METTL15: variants seen among roughly 807,000 people sequenced by gnomAD.
METTL15 encodes 12S rRNA N(4)-cytidine methyltransferase METTL15.
In METTL15, 34 loss-of-function variants were observed where a neutral mutation model predicts 38.3. The ratio of observed to expected loss-of-function variants is 0.89; its 90% CI spans 0.68 to 1.18. METTL15 has a LOEUF of 1.18. Among genes scored for constraint, METTL15 ranks in the 50% most tolerant of loss-of-function variants. METTL15 has a pLI of 0.00. For synonymous variants in METTL15, 162 were observed against 170.9 expected (o/e 0.95, Z 0.41); for missense variants, 438 against 498.4 (o/e 0.88, Z 1.15).
chr11:28,199,649 C>T (rs532226826), intron 3 of METTL15, among the ~76,000 whole-genome samples: 3 of 151,960 alleles, frequency 2.0e-5, no homozygotes, highest in Non-Finnish European at 4.4e-5. Context: ...ATTGTGCTAT[C>T]ATGTTTTTTG....
rs1187175540 is a variant in METTL15 at position 28,405,830 on chromosome 11, AT to A, written c.*359-18467del. ...CATAGCCACTATTTTATGAAGGATT[AT>A]TGCTTTGGCATACCCACCTCTCATA... On this transcript the variant is annotated intron_variant and NMD_transcript_variant, in intron 5 of 7. Coordinates refer to the METTL15 transcript ENST00000532947. Among the ~76,000 whole-genome samples the A allele has an allele frequency of 6.0e-4, 91 of 152,150 alleles. 1 individual carries two copies. Among genetic ancestry groups the A allele is most frequent in the Non-Finnish European group, 2.9e-5 (2 of 68,022 alleles).
At chr11:28,195,854 A>C (rs1449672233) in intron 3 of METTL15, among the ~76,000 whole-genome samples, 1 of 152,124 alleles carries the variant, frequency 6.6e-6, no homozygotes, top group African/African-American at 2.4e-5. Context: ...TCTTAGATTT[A>C]AGTCTTCAGT....
intron 6 of METTL15, among the ~76,000 whole-genome samples, chr11:28,521,740 C>G (rs1342552255): frequency 1.3e-5 from 2 of 152,022 alleles, no homozygotes; most frequent in Non-Finnish European, 2.9e-5. Context: ...TGGTTCCTTC[C>G]ATGTCCTAGT....
intron 5 of METTL15, among the ~76,000 whole-genome samples, chr11:28,294,548 T>A (rs1856657625): frequency 6.6e-6 from 1 of 152,174 alleles, no homozygotes; most frequent in Non-Finnish European, 1.5e-5. Flanking sequence ...ATTCATAGCT[T>A]CAAGAATTTG....
intron 6 of METTL15, among the ~76,000 whole-genome samples, chr11:28,426,642 A>G (rs1346938091): frequency 7.4e-6 from 1 of 135,706 alleles, no homozygotes; most frequent in Non-Finnish European, 1.5e-5. Context: ...CTGGTGTGAG[A>G]TGGTATCTCA....
rs1227771216 is a variant in METTL15, at chr11:28,174,560, ATC to A, written c.271-36499_271-36498del. On this transcript the variant is annotated intron_variant, in intron 3 of 6. Transcript: ENST00000407364. ...TCAGGCACAGTGACTCACGTCTGTA[ATC>A]TCAGCACTTTGGGAGGCTGAGGCGG... Among the ~76,000 whole-genome samples the A allele has an allele frequency of 3.9e-5, 6 of 152,224 alleles. 1 individual carries two copies. Among genetic ancestry groups the A allele is most frequent in the African/African-American group, 1.4e-4 (6 of 41,560 alleles).
chr11:28,243,399 A>C (rs988161495), intron 4 of METTL15, among the ~76,000 whole-genome samples: 1 of 152,172 alleles, frequency 6.6e-6, no homozygotes, highest in African/African-American at 2.4e-5. Context: ...AGAATACTAA[A>C]ACAAACAAAC....
intron 3 of METTL15, among the ~76,000 whole-genome samples, chr11:28,342,916 A>G (rs1234412041): frequency 6.6e-6 from 1 of 152,216 alleles, no homozygotes; most frequent in East Asian, 1.9e-4. Flanking sequence ...CTTTTGAAAG[A>G]GATTATTTGA....
chr11:28,355,599 A>C (rs35659452), intron 4 of METTL15, among the ~76,000 whole-genome samples: 1 of 152,240 alleles, frequency 6.6e-6, no homozygotes, highest in African/African-American at 2.4e-5. Context: ...TAAAAACAAT[A>C]CAGTATAACA....
intron 3 of METTL15, among the ~76,000 whole-genome samples, chr11:28,134,083 C>A (rs1251630005): frequency 6.6e-6 from 1 of 152,124 alleles, no homozygotes; most frequent in African/African-American, 2.4e-5. Flanking sequence ...ATATTCCTAA[C>A]GGAACAACAT....
chr11:28,130,233 C>A (rs1852700721), intron 3 of METTL15, among the ~76,000 whole-genome samples: 1 of 152,048 alleles, frequency 6.6e-6, no homozygotes, highest in African/African-American at 2.4e-5. Context: ...ATCACACGAG[C>A]CCTGGAGGTC....
At chr11:28,427,593 T>G (rs1026580922) in intron 6 of METTL15, among the ~76,000 whole-genome samples, 1 of 152,208 alleles carries the variant, frequency 6.6e-6, no homozygotes, top group African/African-American at 2.4e-5. Flanking sequence ...TTTGTTTGTG[T>G]CCTCTCTGAC....
chr11:28,424,964 T>C (rs1483718646), intron 6 of METTL15, among the ~76,000 whole-genome samples: 1 of 152,154 alleles, frequency 6.6e-6, no homozygotes, highest in Non-Finnish European at 1.5e-5. Flanking sequence ...CTATAGCAAG[T>C]TCCTTGCTGG....
downstream of METTL15, among the ~76,000 whole-genome samples, chr11:28,336,331 A>C (rs1341579885): frequency 6.6e-6 from 1 of 152,174 alleles, no homozygotes; most frequent in African/African-American, 2.4e-5. Context: ...CTCCACCTTC[A>C]TATCAGTAAG....
intron 6 of METTL15, among the ~76,000 whole-genome samples, chr11:28,432,162 A>G (rs183770260): frequency 2.0e-4 from 30 of 152,370 alleles, no homozygotes; most frequent in African/African-American, 7.0e-4. Flanking sequence ...GTCAAACCTT[A>G]TAGTCTGACA....
At chr11:28,136,106 G>A (rs193281024) in intron 3 of METTL15, among the ~76,000 whole-genome samples, 5 of 152,258 alleles carry the variant, frequency 3.3e-5, no homozygotes, top group Admixed American at 3.3e-4. Flanking sequence ...GACAACAATT[G>A]TCTGTGAATA....
chr11:28,509,248 T>C (rs1851655298), intron 6 of METTL15, among the ~76,000 whole-genome samples: 1 of 152,218 alleles, frequency 6.6e-6, no homozygotes, highest in South Asian at 2.1e-4. Flanking sequence ...ATTTTCAAAC[T>C]CTTGGATTTC....
intron 3 of METTL15, among the ~76,000 whole-genome samples, chr11:28,134,003 C>T (rs1316730870): frequency 6.6e-6 from 1 of 152,114 alleles, no homozygotes; most frequent in East Asian, 1.9e-4. Context: ...ATACGAGTGA[C>T]CAACAGACTT....
intron 3 of METTL15, among the ~76,000 whole-genome samples, chr11:28,191,815 T>G (rs1195760255): frequency 2.0e-5 from 3 of 151,750 alleles, no homozygotes; most frequent in Non-Finnish European, 4.4e-5. Flanking sequence ...GTTCTGACTG[T>G]AAAATACCTA....
Sources: gnomAD v4.1 joint callset for allele counts (sites outside exome capture counted in the v4.1 genomes callset) on GRCh38, gnomAD v4.1.1 for gene constraint, MANE v1.5 for transcripts, NCBI Gene and HGNC (gene_info 2026-07-23, HGNC 2026-07-21) for gene names.